Variants in ZPBP observed in about 807,000 individuals in gnomAD.
ZPBP encodes the protein zona pellucida binding protein.
A neutral mutation model predicts 44.8 loss-of-function variants in ZPBP; 26 were observed. The observed-to-expected ratio is 0.58, with a 90% CI of 0.43 to 0.81. ZPBP has a LOEUF of 0.81. ZPBP is among the 30% of genes least tolerant of loss of function. The pLI, the probability that ZPBP is intolerant of heterozygous loss-of-function variation, is 0.00. For missense variants in ZPBP, 409 were observed against 434.0 expected, an observed-to-expected ratio of 0.94 and a Z score of 0.51; for synonymous variants, 174 against 153.2, an observed-to-expected ratio of 1.14 and a Z score of -1.00.
chr7:50,019,337 C>T (rs1440287581), intron 5 of ZPBP, among the ~76,000 whole-genome samples: 2 of 152,018 alleles, frequency 1.3e-5, no homozygotes, highest in African/African-American at 2.4e-5. Flanking sequence ...GTTCATTTTC[C>T]ATAAAATTCT....
chr7:49,908,733 T>C (rs938282091), intron 1 of ZPBP, among the ~76,000 whole-genome samples: 11 of 152,270 alleles, frequency 7.2e-5, no homozygotes, highest in African/African-American at 2.4e-4. Flanking sequence ...TGAAGATATC[T>C]TCTTAGTTTA....
At chr7:49,872,587 A>G (rs920280032) in intron 2 of ZPBP, among the ~76,000 whole-genome samples, 2 of 151,940 alleles carry the variant, frequency 1.3e-5, no homozygotes, top group African/African-American at 4.8e-5. Context: ...TATTTCCACA[A>G]TAAGATACAA....
intron 4 of ZPBP, among the ~76,000 whole-genome samples, chr7:50,054,804 T>C (rs1007188688): frequency 6.6e-6 from 1 of 152,088 alleles, no homozygotes; most frequent in Non-Finnish European, 1.5e-5. Context: ...GCATTTGACA[T>C]AAAATTAATA....
chr7:49,880,043 TAA>T (rs1015892103), intron 2 of ZPBP, among the ~76,000 whole-genome samples: 14 of 152,170 alleles, frequency 9.2e-5, no homozygotes, highest in African/African-American at 3.1e-4. Flanking sequence ...TTCTCCCAAC[TAA>T]AATTTTAATT....
At chr7:49,990,444 C>A (rs903217292) in intron 6 of ZPBP, among the ~76,000 whole-genome samples, 2 of 152,136 alleles carry the variant, frequency 1.3e-5, no homozygotes, top group Non-Finnish European at 2.9e-5. Flanking sequence ...CCTCATATAC[C>A]CTGGATATTC....
chr7:49,898,696 C>T (rs1441096563), intron 2 of ZPBP, among the ~76,000 whole-genome samples: 6 of 151,866 alleles, frequency 4.0e-5, no homozygotes, highest in Non-Finnish European at 8.8e-5. Flanking sequence ...AGCAGTAGGA[C>T]AATGGATAAA....
chr7:50,084,051 A>C (rs1208719683), intron 2 of ZPBP, among the ~76,000 whole-genome samples: 1 of 152,056 alleles, frequency 6.6e-6, no homozygotes, highest in Non-Finnish European at 1.5e-5. Context: ...CAAAGTTAAT[A>C]ATGCATTTAT....
In ZPBP at chr7:50,075,725, G is replaced by A. The variant is rs189200351; in HGVS notation, c.334+6049C>T. ...CAGGAAGACATTCAAAAGCTGAACA[G>A]ACCAATAACAAGTAACAAGATAGAA... On this transcript the variant is annotated intron_variant, in intron 3 of 7. Coordinates refer to ENST00000046087, the MANE Select transcript of ZPBP (RefSeq NM_007009.3). 7.2e-5 allele frequency among the ~76,000 whole-genome samples: 11 copies of A among 151,978 alleles called. No individual in the cohort carries two copies. The East Asian group carries it at 2.1e-3, about 29-fold the overall frequency.
At chr7:49,849,746 T>C (rs1043288969), downstream of ZPBP, among the ~76,000 whole-genome samples, 3 of 152,224 alleles carry the variant, frequency 2.0e-5, no homozygotes, top group African/African-American at 7.2e-5. Context: ...AACCAGCCTG[T>C]CACTTATTCT....
chr7:49,877,481 A>AAAAAAAATATACATATATATATATATAT lies in ZPBP; in HGVS notation n.509+23636_509+23637insATATATATATATATATGTATATTTTTTT. Reference sequence around the variant, plus strand: ...CTGTCTCAAAAAAAAAAAAAAAAAAAATATATATATATATATATATATATA... The same window carrying AAAAAAAATATACATATATATATATATAT: ...CTGTCTCAAAAAAAAAAAAAAAAAAAAAAAAAATATACATATATATATATATATATATATATATATATATATATATATA... On this transcript the variant is annotated intron_variant and non_coding_transcript_variant, in intron 2 of 2. Transcript: ENST00000465922. Among the ~76,000 whole-genome samples the AAAAAAAATATACATATATATATATATAT allele has an allele frequency of 1.6e-4, 2 of 12,722 alleles. 1 individual carries two copies. The highest frequency in any genetic ancestry group is 5.6e-4 in the African/African-American group (2 of 3,594). The allele number at this position is 12,722 out of a possible 152,430, so 8.3% of individuals were successfully genotyped here.
chr7:50,005,659 G>A (rs780474598), intron 6 of ZPBP, among the ~76,000 whole-genome samples: 1 of 151,802 alleles, frequency 6.6e-6, no homozygotes, highest in African/African-American at 2.4e-5. Flanking sequence ...GGGAAACAAA[G>A]CATGGCACTA....
At chr7:50,089,590 A>G in intron 2 of ZPBP, 39 bp downstream of exon 2, 2 of 1,444,852 alleles carry the variant, frequency 1.4e-6, no homozygotes, top group East Asian at 2.4e-5. Context: ...ACAAATGCTA[A>G]TAACTTTTAA....
At chr7:50,000,960 C>G (rs780875547) in intron 6 of ZPBP, among the ~76,000 whole-genome samples, 4 of 152,018 alleles carry the variant, frequency 2.6e-5, no homozygotes, top group Non-Finnish European at 4.4e-5. Context: ...AATTCAATGA[C>G]TGGTGTTCTC....
intron 2 of ZPBP, among the ~76,000 whole-genome samples, chr7:49,871,411 C>T (rs1791143127): frequency 6.6e-6 from 1 of 152,104 alleles, no homozygotes; most frequent in Admixed American, 6.5e-5. Flanking sequence ...ATGGTGAAAA[C>T]TCATCAGTAA....
intron 4 of ZPBP, among the ~76,000 whole-genome samples, chr7:50,054,695 A>G (rs1314311475): frequency 2.6e-5 from 4 of 152,174 alleles, no homozygotes; most frequent in Admixed American, 6.5e-5. Flanking sequence ...AGTCAAAAAG[A>G]AAATACCACT....
At chr7:49,928,815 C>T (rs889216648) in intron 1 of ZPBP, among the ~76,000 whole-genome samples, 2 of 152,142 alleles carry the variant, frequency 1.3e-5, no homozygotes, top group Non-Finnish European at 2.9e-5. Context: ...TGATGTAGCT[C>T]AGATTACATA....
At chr7:49,915,253 G>A (rs968733707) in intron 1 of ZPBP, 1 of 152,188 alleles carries the variant, frequency 6.6e-6, no homozygotes, top group Non-Finnish European at 1.5e-5. Flanking sequence ...GTCCAGGCAA[G>A]TCCTGCTATA....
chr7:50,087,829 C>T (rs535735426), intron 2 of ZPBP, among the ~76,000 whole-genome samples: 1 of 151,998 alleles, frequency 6.6e-6, no homozygotes, highest in East Asian at 1.9e-4. Context: ...GATTGAAAGA[C>T]TTAATATTGT....
chr7:50,009,214 G>A (rs1038441104), intron 6 of ZPBP, among the ~76,000 whole-genome samples: 48 of 139,906 alleles, frequency 3.4e-4, no homozygotes, highest in Non-Finnish European at 6.4e-4. Flanking sequence ...TCCAGCCTGG[G>A]TGACAGAAAG....
Sources: gnomAD v4.1 joint callset for allele counts (sites outside exome capture counted in the v4.1 genomes callset) on GRCh38, gnomAD v4.1.1 for gene constraint, MANE v1.5 for transcripts, NCBI Gene and HGNC (gene_info 2026-07-23, HGNC 2026-07-21) for gene names.